Variants in SNCAIP observed in about 807,000 individuals in gnomAD.
SNCAIP encodes the protein synphilin-1.
Under a neutral mutation model 86.7 loss-of-function variants are expected in SNCAIP, and 43 were observed. The observed-to-expected ratio is 0.50, with a 90% CI of 0.39 to 0.64. The LOEUF is 0.64. SNCAIP is among the 30% of genes least tolerant of loss of function. SNCAIP has a pLI of 0.00. For synonymous variants in SNCAIP, 417 were observed against 427.2 expected, an observed-to-expected ratio of 0.98 and a Z score of 0.29; for missense variants, 981 against 1,103.1, an observed-to-expected ratio of 0.89 and a Z score of 1.57.
intron 3 of SNCAIP, among the ~76,000 whole-genome samples, chr5:122,415,944 C>T (rs1775221237): frequency 6.6e-6 from 1 of 152,218 alleles, no homozygotes; most frequent in South Asian, 2.1e-4. Flanking sequence ...GGTCAGCATA[C>T]TTTATAGATG....
At chr5:122,331,016 A>G (rs1432961260) in intron 1 of SNCAIP, among the ~76,000 whole-genome samples, 1 of 152,024 alleles carries the variant, frequency 6.6e-6, no homozygotes, top group Non-Finnish European at 1.5e-5. Context: ...TGCAGTTCGC[A>G]ATAGGATTCA....
At chr5:122,317,572 G>A (rs1286326315) in intron 1 of SNCAIP, among the ~76,000 whole-genome samples, 1 of 152,136 alleles carries the variant, frequency 6.6e-6, no homozygotes, top group Non-Finnish European at 1.5e-5. Flanking sequence ...AGAGTGGTAT[G>A]TGTGACGGCA....
At chr5:122,447,965 T>TA (rs1371496116) in intron 8 of SNCAIP, among the ~76,000 whole-genome samples, 1 of 152,212 alleles carries the variant, frequency 6.6e-6, no homozygotes, top group East Asian at 1.9e-4. Context: ...ATGAGTGAGA[T>TA]AAAATGAGAT....
intron 1 of SNCAIP, among the ~76,000 whole-genome samples, chr5:122,351,562 A>AAAAAAAAAAAAC (rs1759835072): frequency 6.7e-6 from 1 of 148,150 alleles, no homozygotes; most frequent in Non-Finnish European, 1.5e-5. Flanking sequence ...AAAAAAAAAA[A>AAAAAAAAAAAAC]AAAAGAACTA....
chr5:122,334,692 AT>A (rs775780032), intron 1 of SNCAIP, among the ~76,000 whole-genome samples: 4 of 151,894 alleles, frequency 2.6e-5, no homozygotes, highest in African/African-American at 9.7e-5. Flanking sequence ...ATTAGGAGAA[AT>A]TTTTTTTTAA....
intron 5 of SNCAIP, among the ~76,000 whole-genome samples, chr5:122,429,732 G>A (rs1480630229): frequency 1.3e-5 from 2 of 152,150 alleles, no homozygotes; most frequent in South Asian, 4.1e-4. Flanking sequence ...ATATATAAAA[G>A]GATGGTTGAG....
chr5:122,380,089 T>G (rs1271544752), intron 1 of SNCAIP, among the ~76,000 whole-genome samples: 1 of 152,054 alleles, frequency 6.6e-6, no homozygotes, highest in African/African-American at 2.4e-5. Flanking sequence ...CTTTTTCTAT[T>G]GATTGGAATA....
intron 1 of SNCAIP, among the ~76,000 whole-genome samples, chr5:122,385,673 ATGTGTGTGTGTGTG>A (rs371793989): frequency 3.0e-4 from 41 of 138,398 alleles, no homozygotes; most frequent in Middle Eastern, 3.6e-3. Context: ...GTGCGCACGT[ATGTGTGTGTGTGTG>A]TGTGTGTGTG....
At chr5:122,445,011 T>C (rs1174675287) in intron 8 of SNCAIP, 3 of 457,062 alleles carry the variant, frequency 6.6e-6, no homozygotes, top group Non-Finnish European at 4.1e-6. Flanking sequence ...CCTCTCTCTG[T>C]GTTCACAACT....
intron 1 of SNCAIP, among the ~76,000 whole-genome samples, chr5:122,350,776 G>A (rs974491289): frequency 6.6e-6 from 1 of 152,162 alleles, no homozygotes; most frequent in African/African-American, 2.4e-5. Flanking sequence ...ACCAAAAGTT[G>A]GGCCTCAAAT....
At chr5:122,444,301 G>A in intron 7 of SNCAIP, 1 of 539,766 alleles carries the variant, frequency 1.9e-6, no homozygotes, top group Admixed American at 2.3e-5. Flanking sequence ...AGACTGCACT[G>A]CATATCTCAT....
chr5:122,362,556 T>G lies in SNCAIP; in HGVS notation c.-46-28533T>G, dbSNP rs192559522. ...TTGTAGTGGATAAGAACAAGGAAAATTCAAGGCTTATCAGTAGAAATGGAA... is the reference window on the plus strand; with the variant it reads ...TTGTAGTGGATAAGAACAAGGAAAAGTCAAGGCTTATCAGTAGAAATGGAA... On this transcript the variant is annotated intron_variant, in intron 1 of 10. Coordinates refer to ENST00000261368, the MANE Select transcript of SNCAIP (RefSeq NM_005460.4). 7.4e-4 allele frequency among the ~76,000 whole-genome samples: 113 copies of G among 152,162 alleles called. No homozygotes were observed. In the Middle Eastern group the frequency reaches 0.01, roughly 14 times the overall value.
At chr5:122,323,921 C>T (rs964735493) in intron 1 of SNCAIP, among the ~76,000 whole-genome samples, 2 of 152,282 alleles carry the variant, frequency 1.3e-5, no homozygotes, top group Non-Finnish European at 2.9e-5. Context: ...ACACATCGTA[C>T]AACCGTTTTT....
At position 122,423,588 on chromosome 5, in the gene SNCAIP, A is replaced by T. The variant is rs562016150; in HGVS notation, c.851A>T (p.His284Leu). Residue 284 changes from histidine to leucine, a missense_variant, in exon 4 of 11, where the codon CAC becomes CTC. His to Leu is a moderately conservative substitution (Grantham distance 99). Coordinates refer to ENST00000261368, the MANE Select transcript of SNCAIP (RefSeq NM_005460.4). ...CCAGACTGCCAGCTCAGGGCCTTCC[A>T]CCTACAATCCTCAGCAGCAGAATCC... is the stretch of plus-strand genomic sequence containing the variant. Reference protein sequence around the residue: ...TTPDCQLRAFHLQSSAAESKP... With the variant: ...TTPDCQLRAFLLQSSAAESKP... 6.2e-6 allele frequency: 10 copies of T among 1,614,136 alleles called. No individual in the cohort carries two copies. The South Asian group carries it at 1.1e-4, about 18-fold the overall frequency.
chr5:122,402,135 A>T (rs1771948177), intron 2 of SNCAIP, among the ~76,000 whole-genome samples: 1 of 152,090 alleles, frequency 6.6e-6, no homozygotes, highest in African/African-American at 2.4e-5. Flanking sequence ...GTTTCATGGG[A>T]CACATGGCAA....
chr5:122,450,942 C>A lies in SNCAIP; in HGVS notation c.2095C>A (p.Pro699Thr), dbSNP rs777803429. ...TACCCCAGTGAGGAAGGCTGACCGACCAAGGCCGCAGCCCATTGTAGAAAG... is the reference window on the plus strand; with the variant it reads ...TACCCCAGTGAGGAAGGCTGACCGAACAAGGCCGCAGCCCATTGTAGAAAG... Reference protein sequence around the residue: ...KTTPVRKADRPRPQPIVESVE... With the variant: ...KTTPVRKADRTRPQPIVESVE... Residue 699 changes from proline to threonine, a missense_variant, in exon 10 of 11, where the codon CCA (proline) becomes ACA (threonine). Coordinates refer to ENST00000261368, the MANE Select transcript of SNCAIP (RefSeq NM_005460.4). 2 of 1,614,158 alleles carry A rather than the reference C, an allele frequency of 1.2e-6. No homozygotes were observed. The highest frequency in any genetic ancestry group is 2.2e-5 in the East Asian group (1 of 44,880).
rs538330685 is a variant in SNCAIP at position 122,391,321 on chromosome 5, T to C, written c.57+130T>C. 16 of 746,216 alleles carry C rather than the reference T, an allele frequency of 2.1e-5. No homozygotes were observed. In the East Asian group the frequency reaches 4.2e-4, roughly 19 times the overall value. The allele number at this position is 746,216 out of a possible 1,614,324, so 46.2% of individuals were successfully genotyped here. A position where few individuals can be genotyped will look rare whatever the true frequency, so the allele number is the denominator to read the frequency against. ...ATTTAGAAATTCACAGCAGAAATCC[T>C]GTGTGGCAGACTCGGTGTGGTTTGG... is the stretch of plus-strand genomic sequence containing the variant. On this transcript the variant is annotated intron_variant, in intron 2 of 10. Coordinates refer to ENST00000261368, the MANE Select transcript of SNCAIP (RefSeq NM_005460.4).
chr5:122,403,694 C>A, intron 2 of SNCAIP, 99 bp from the exon 3 acceptor site: 1 of 945,744 alleles, frequency 1.1e-6, no homozygotes, highest in Non-Finnish European at 1.7e-6. Context: ...CATGTTGTGC[C>A]CAAGTATCAC....
At chr5:122,374,080 G>A (rs73794592) in intron 1 of SNCAIP, among the ~76,000 whole-genome samples, 1,734 of 152,156 alleles carry the variant, frequency 0.011, 31 homozygotes, top group African/African-American at 0.038. Flanking sequence ...AATTTTTTTC[G>A]TTCTGATTGA....
Sources: gnomAD v4.1 joint callset for allele counts (sites outside exome capture counted in the v4.1 genomes callset) on GRCh38, gnomAD v4.1.1 for gene constraint, MANE v1.5 for transcripts, NCBI Gene and HGNC (gene_info 2026-07-23, HGNC 2026-07-21) for gene names.